The following STRN3 variants were observed in gnomAD, a reference collection of about 807,000 sequenced individuals.
STRN3 encodes striatin-3.
STRN3 carries 29 observed loss-of-function variants against 95.6 expected under a neutral mutation model. The observed-to-expected ratio is 0.30, with a 90% CI of 0.23 to 0.41. STRN3 has a LOEUF of 0.41. STRN3 is among the 10% of genes least tolerant of loss of function. STRN3 has a pLI of 1.00. For missense variants in STRN3, 890 were observed against 972.1 expected, an observed-to-expected ratio of 0.92 and a Z score of 1.12; for synonymous variants, 331 against 357.6, an observed-to-expected ratio of 0.93 and a Z score of 0.84.
intron 7 of STRN3, among the ~76,000 whole-genome samples, chr14:30,931,406 A>C (rs1566442309): frequency 6.6e-6 from 1 of 152,214 alleles, no homozygotes; most frequent in Non-Finnish European, 1.5e-5. Flanking sequence ...GAAAACACAA[A>C]TATGCGTAAG....
At chr14:30,974,674 C>A (rs1031958757) in intron 1 of STRN3, among the ~76,000 whole-genome samples, 1 of 150,556 alleles carries the variant, frequency 6.6e-6, no homozygotes, top group Non-Finnish European at 1.5e-5. Context: ...TGCTATGGCA[C>A]ACGCCTGTAG....
chr14:31,003,807 A>AAAAC (rs1882585649), intron 1 of STRN3, among the ~76,000 whole-genome samples: 2 of 147,836 alleles, frequency 1.4e-5, no homozygotes, highest in Middle Eastern at 3.4e-3. Flanking sequence ...AAAAAAAAAA[A>AAAAC]AAAAAAAAAA....
chr14:30,950,326 A>G (rs754962862), intron 4 of STRN3, among the ~76,000 whole-genome samples: 5 of 152,208 alleles, frequency 3.3e-5, no homozygotes, highest in Non-Finnish European at 7.4e-5. Context: ...AAAATCACCC[A>G]GGATATCAGT....
intron 1 of STRN3, among the ~76,000 whole-genome samples, chr14:31,003,580 C>T (rs185943028): frequency 2.0e-5 from 3 of 152,196 alleles, no homozygotes; most frequent in African/African-American, 7.2e-5. Flanking sequence ...GTTGCTCTCT[C>T]GCCATGCAAT....
chr14:31,025,797 G>T, intron 1 of STRN3, 107 bp downstream of exon 1: 3 of 1,469,336 alleles, frequency 2.0e-6, no homozygotes, highest in Non-Finnish European at 2.7e-6. Flanking sequence ...GGTAGGTTCC[G>T]CTCGGCCTCC....
At chr14:30,986,481 A>G (rs1231058893) in intron 1 of STRN3, among the ~76,000 whole-genome samples, 1 of 152,194 alleles carries the variant, frequency 6.6e-6, no homozygotes, top group African/African-American at 2.4e-5. Context: ...GAAAGGACAT[A>G]TTTGCAAATA....
chr14:30,955,680 T>C lies in STRN3; in HGVS notation c.400A>G (p.Lys134Glu). Residue 134 changes from lysine to glutamate, a missense_variant, in exon 3 of 18, where the codon AAA (lysine) becomes GAA (glutamate). Around this residue, in one of 3 missense-constraint regions of STRN3, gnomAD observed 526 missense variants for 526.3 expected, o/e 1.00. Transcript: ENST00000357479. ...TTCAGTTCCGTGCCATATTTTAATT[T>C]GTGATATTTTGCCCTGAAAATTTAA... ...ALKQERAKYH[K>E]LKYGTELNQG... 1 of 1,582,744 alleles carries C rather than the reference T, an allele frequency of 6.3e-7. No individual in the cohort carries two copies. The highest frequency in any genetic ancestry group is 8.5e-7 in the Non-Finnish European group (1 of 1,170,792).
intron 5 of STRN3, among the ~76,000 whole-genome samples, chr14:30,940,334 C>T (rs1203352545): frequency 2.0e-5 from 3 of 152,126 alleles, no homozygotes; most frequent in African/African-American, 7.2e-5. Context: ...TGAGAAACAT[C>T]TCCAATAGCT....
rs199658232 is a variant in STRN3, at chr14:30,947,188, T to C, written c.618A>G (p.Leu206=). The C allele has an allele frequency of 4.1e-5, 66 of 1,613,508 alleles. No individual in the cohort carries two copies. The East Asian group carries it at 4.9e-4, about 12-fold the overall frequency. ...RSQRVRSLLG[L]SNSEPNGSVE... ...CTGATCCATTTGGTTCTGAATTAGA[T>C]AGTCCAAGTAATGACCTTACCCGCT... is the stretch of plus-strand genomic sequence containing the variant. Residue 206 remains leucine (L), a synonymous_variant, in exon 5 of 18, where the codon CTA becomes CTG. Coordinates refer to ENST00000357479, the MANE Select transcript of STRN3 (RefSeq NM_001083893.2).
chr14:31,006,433 C>T lies in STRN3; in HGVS notation c.282+19471G>A, dbSNP rs141912844. 1.3e-5 allele frequency among the ~76,000 whole-genome samples: 2 copies of T among 151,980 alleles called. 1 individual carries two copies. The highest frequency in any genetic ancestry group is 4.8e-5 in the African/African-American group (2 of 41,452). ...AAAGTAGCCCAGGTGTGGTGGCTCA[C>T]GCCTGTAATCCCAGCACTTTGGGAG... On this transcript the variant is annotated intron_variant, in intron 1 of 17. Transcript: ENST00000357479.
intron 1 of STRN3, among the ~76,000 whole-genome samples, chr14:30,981,606 A>ACACACACACACACACACC (rs1491272307): frequency 6.7e-6 from 1 of 148,482 alleles, no homozygotes; most frequent in African/African-American, 2.5e-5. Context: ...ACACACACAC[A>ACACACACACACACACACC]CCCCATAATT....
At chr14:31,020,275 G>A (rs1883443278) in intron 1 of STRN3, among the ~76,000 whole-genome samples, 1 of 151,968 alleles carries the variant, frequency 6.6e-6, no homozygotes, top group Non-Finnish European at 1.5e-5. Flanking sequence ...AAGGCAGGCG[G>A]ATTACTTGAG....
At chr14:30,936,662 A>G (rs1878837426) in intron 5 of STRN3, 38 bp from the exon 6 acceptor site, 1 of 1,586,262 alleles carries the variant, frequency 6.3e-7, no homozygotes, top group Non-Finnish European at 8.5e-7. Context: ...AACTATTCCA[A>G]TGGTTGGTTC....
intron 1 of STRN3, among the ~76,000 whole-genome samples, chr14:30,969,790 TAA>T (rs1440608003): frequency 4.6e-5 from 7 of 152,238 alleles, no homozygotes; most frequent in African/African-American, 7.2e-5. Context: ...CCCTCAAAAC[TAA>T]AAGTCTTTTA....
intron 1 of STRN3, among the ~76,000 whole-genome samples, chr14:31,000,217 C>T (rs993031870): frequency 4.0e-5 from 5 of 125,330 alleles, no homozygotes; most frequent in South Asian, 2.3e-4. Context: ...TAACTCCATA[C>T]GTAACTACAA....
chr14:30,975,271 G>A (rs1347968324), intron 1 of STRN3, among the ~76,000 whole-genome samples: 1 of 151,184 alleles, frequency 6.6e-6, no homozygotes, highest in Non-Finnish European at 1.5e-5. Context: ...GATGGAGCTG[G>A]AGAGACCATT....
chr14:30,989,853 C>T (rs1393644483), intron 1 of STRN3, among the ~76,000 whole-genome samples: 2 of 151,944 alleles, frequency 1.3e-5, no homozygotes, highest in African/African-American at 4.8e-5. Flanking sequence ...AAATTAATTA[C>T]CTCAGTTTCC....
intron 13 of STRN3, among the ~76,000 whole-genome samples, chr14:30,908,021 T>C (rs1260096963): frequency 9.2e-5 from 14 of 152,196 alleles, no homozygotes; most frequent in Non-Finnish European, 7.3e-5. Flanking sequence ...ATCCCCCATC[T>C]TCTTGCTGCG....
chr14:30,933,300 A>AAG (rs2139065986), intron 7 of STRN3, among the ~76,000 whole-genome samples: 1 of 150,738 alleles, frequency 6.6e-6, no homozygotes, highest in African/African-American at 2.4e-5. Context: ...AAAAAAAAAA[A>AAG]AAAAACGATG....
Sources: allele counts gnomAD v4.1 joint callset (sites outside exome capture counted in the v4.1 genomes callset), GRCh38; gene constraint gnomAD v4.1.1; regional missense constraint gnomAD v4.1.1; transcripts MANE v1.5; gene names NCBI Gene and HGNC (gene_info 2026-07-23, HGNC 2026-07-21).